The following CTDSPL variants were observed in gnomAD, a reference collection of about 807,000 sequenced individuals.
The protein encoded by CTDSPL is CTD small phosphatase-like protein.
CTDSPL carries 8 observed loss-of-function variants against 30.5 expected under a neutral mutation model. The observed-to-expected ratio is 0.26, with a 90% CI of 0.15 to 0.47. CTDSPL has a LOEUF of 0.47. Ranked by LOEUF, CTDSPL falls within the 20% of genes least tolerant of loss-of-function variation. CTDSPL has a pLI of 0.99. For synonymous variants in CTDSPL, 110 were observed against 137.9 expected (o/e 0.80, Z 1.42); for missense variants, 248 against 366.1 (o/e 0.68, Z 2.63).
chr3:37,924,389 A>G (rs374320015), intron 1 of CTDSPL, among the ~76,000 whole-genome samples: 2 of 152,230 alleles, frequency 1.3e-5, no homozygotes, highest in East Asian at 1.9e-4. Flanking sequence ...CTGAAAAACA[A>G]TGATGTGTGA....
chr3:37,979,853 T>C (rs181051160), intron 7 of CTDSPL, among the ~76,000 whole-genome samples: 172 of 152,338 alleles, frequency 1.1e-3, no homozygotes, highest in African/African-American at 3.9e-3. Flanking sequence ...TTTTTCTTAA[T>C]GGTTTAATTG....
At chr3:37,952,281 G>A (rs1166307060) in intron 2 of CTDSPL, among the ~76,000 whole-genome samples, 1 of 152,226 alleles carries the variant, frequency 6.6e-6, no homozygotes, top group Non-Finnish European at 1.5e-5. Flanking sequence ...TAATAGCTTA[G>A]ACAAATAGGG....
At chr3:37,922,175 C>G (rs1698724758) in intron 1 of CTDSPL, among the ~76,000 whole-genome samples, 1 of 151,574 alleles carries the variant, frequency 6.6e-6, no homozygotes, top group African/African-American at 2.4e-5. Context: ...GTGGAGGTTG[C>G]AGTGAGCCGA....
At chr3:37,942,221 C>T (rs1337649532) in intron 1 of CTDSPL, among the ~76,000 whole-genome samples, 1 of 150,590 alleles carries the variant, frequency 6.6e-6, no homozygotes, top group East Asian at 1.9e-4. Context: ...TGAGTTGTTT[C>T]TCCTAGTTGT....
intron 1 of CTDSPL, among the ~76,000 whole-genome samples, chr3:37,896,403 T>C (rs779801892): frequency 3.3e-5 from 5 of 151,856 alleles, no homozygotes; most frequent in Non-Finnish European, 7.4e-5. Context: ...ATGTTTAGAG[T>C]GATGTGAAAA....
At chr3:37,979,457 C>T (rs1386209266) in intron 7 of CTDSPL, among the ~76,000 whole-genome samples, 2 of 152,098 alleles carry the variant, frequency 1.3e-5, no homozygotes, top group Non-Finnish European at 2.9e-5. Flanking sequence ...CAAAAACTAG[C>T]TGGGCATGGC....
intron 2 of CTDSPL, among the ~76,000 whole-genome samples, chr3:37,955,350 C>A (rs1402197381): frequency 6.6e-6 from 1 of 152,154 alleles, no homozygotes; most frequent in Non-Finnish European, 1.5e-5. Context: ...ATGGCTTGAG[C>A]CAGGAGTTTG....
At chr3:37,933,157 GA>G (rs57356731) in intron 1 of CTDSPL, among the ~76,000 whole-genome samples, 9,188 of 61,570 alleles carry the variant, frequency 0.15, 478 homozygotes, top group African/African-American at 0.29. Flanking sequence ...TCTGTCTCAA[GA>G]AAAAAAAAAA....
chr3:37,944,172 A>G (rs1245648682), intron 1 of CTDSPL, among the ~76,000 whole-genome samples: 5 of 150,446 alleles, frequency 3.3e-5, no homozygotes, highest in Non-Finnish European at 7.4e-5. Context: ...AGAGCAATAC[A>G]TAATTACCAG....
chr3:37,889,436 C>T (rs1016189705), intron 1 of CTDSPL, among the ~76,000 whole-genome samples: 2 of 151,942 alleles, frequency 1.3e-5, no homozygotes, highest in South Asian at 4.1e-4. Flanking sequence ...AAAATGAAAT[C>T]GGCGGTTTCC....
Position 37,896,516 on chromosome 3 carries a change from C to T in CTDSPL, c.79+34238C>T, listed in dbSNP as rs78402001. 2.9e-4 allele frequency among the ~76,000 whole-genome samples: 44 copies of T among 152,184 alleles called. No individual in the cohort carries two copies. The East Asian group carries it at 7.9e-3, about 27-fold the overall frequency. ...CTTTCAGTGAGGTGGGAAGTGAATGCTTTAACATTGTGTTATTTTGTTATT... is the reference window on the plus strand; with the variant it reads ...CTTTCAGTGAGGTGGGAAGTGAATGTTTTAACATTGTGTTATTTTGTTATT... On this transcript the variant is annotated intron_variant, in intron 1 of 7. Transcript: ENST00000273179.
At chr3:37,865,400 T>C (rs1697997943) in intron 1 of CTDSPL, among the ~76,000 whole-genome samples, 2 of 152,208 alleles carry the variant, frequency 1.3e-5, no homozygotes, top group Non-Finnish European at 2.9e-5. Flanking sequence ...TTTTCATGCA[T>C]CAGCTTGGTT....
intron 1 of CTDSPL, among the ~76,000 whole-genome samples, chr3:37,901,600 C>T (rs148225014): frequency 6.6e-6 from 1 of 152,292 alleles, no homozygotes; most frequent in East Asian, 1.9e-4. Context: ...TGTGCATTTA[C>T]TATGATATGT....
chr3:37,902,563 C>G (rs1483034474), intron 1 of CTDSPL, among the ~76,000 whole-genome samples: 2 of 152,142 alleles, frequency 1.3e-5, no homozygotes, highest in African/African-American at 4.8e-5. Flanking sequence ...GCTCCCCTCC[C>G]TAGGGATTCC....
chr3:37,937,291 G>C (rs927188708), intron 1 of CTDSPL, among the ~76,000 whole-genome samples: 1 of 150,294 alleles, frequency 6.7e-6, no homozygotes, highest in Non-Finnish European at 1.5e-5. Flanking sequence ...CATTGTAGTG[G>C]TGTTGGGAGG....
Position 37,925,550 on chromosome 3 carries a change from G to A in CTDSPL, c.80-21507G>A, listed in dbSNP as rs140567885. 4.3e-4 allele frequency among the ~76,000 whole-genome samples: 65 copies of A among 152,248 alleles called. 1 individual carries two copies. The highest frequency in any genetic ancestry group is 1.5e-3 in the African/African-American group (62 of 41,546). ...TAGGAACAAGCAGGGCTGTCTTCCT[G>A]GGCTTGCAACGTATGCCCTGCAGAG... On this transcript the variant is annotated intron_variant, in intron 1 of 7. Coordinates refer to ENST00000273179, the MANE Select transcript of CTDSPL (RefSeq NM_001008392.2).
At position 37,877,041 on chromosome 3, in the gene CTDSPL, GGTTGCA is replaced by G. The variant is rs1698142979; in HGVS notation, c.79+14766_79+14771del. ...GAATCGCTTGAACCCAGGAGGCAAA[GGTTGCA>G]GTGAACCGAGATTGCGCCTCTGCAC... On this transcript the variant is annotated intron_variant, in intron 1 of 7. Transcript: ENST00000273179. Among the ~76,000 whole-genome samples, 3 of 151,446 alleles carry G rather than the reference GGTTGCA, an allele frequency of 2.0e-5. No homozygotes were observed. In the South Asian group the frequency reaches 6.3e-4, roughly 32 times the overall value.
At chr3:37,906,128 G>A (rs1035673022) in intron 1 of CTDSPL, among the ~76,000 whole-genome samples, 3 of 152,304 alleles carry the variant, frequency 2.0e-5, no homozygotes, top group African/African-American at 4.8e-5. Flanking sequence ...CCTGGAAGCC[G>A]ACCAGTGGGG....
intron 4 of CTDSPL, among the ~76,000 whole-genome samples, chr3:37,967,596 A>G (rs1699312512): frequency 6.6e-6 from 1 of 152,352 alleles, no homozygotes; most frequent in Admixed American, 6.5e-5. Context: ...GAGGCCAGGC[A>G]GGTGATATTG....
Sources: allele counts gnomAD v4.1 joint callset (sites outside exome capture counted in the v4.1 genomes callset), GRCh38; gene constraint gnomAD v4.1.1; transcripts MANE v1.5; gene names NCBI Gene and HGNC (gene_info 2026-07-23, HGNC 2026-07-21).